Variants in EDAR observed in about 807,000 individuals in gnomAD.
EDAR encodes the protein tumor necrosis factor receptor superfamily member EDAR.
In EDAR, 38 loss-of-function variants were observed where a neutral mutation model predicts 51.3. The observed-to-expected ratio is 0.74, with a 90% CI of 0.57 to 0.97. EDAR has a LOEUF of 0.97. Among genes scored for constraint, EDAR ranks in the 50% least tolerant of loss-of-function variants. EDAR has a pLI of 0.00. For missense variants in EDAR, 528 were observed against 595.0 expected (o/e 0.89, Z 1.17); for synonymous variants, 227 against 242.1 (o/e 0.94, Z 0.58).
chr2:108,934,970 G>A (rs77143704), intron 1 of EDAR, among the ~76,000 whole-genome samples: 2 of 152,222 alleles, frequency 1.3e-5, no homozygotes, highest in African/African-American at 4.8e-5. Flanking sequence ...CAGTTCAGGG[G>A]TTGTGAAGCC....
rs1431907112 is a variant in EDAR at position 108,974,830 on chromosome 2, G to A, written c.-19+14130C>T. Reference sequence around the variant, plus strand: ...AAATAGCCAGCAAATGGCAGAGCTGGGGTCTAGCTCTTCCCACCACCCCGA... The same window carrying A: ...AAATAGCCAGCAAATGGCAGAGCTGAGGTCTAGCTCTTCCCACCACCCCGA... On this transcript the variant is annotated intron_variant, in intron 1 of 11. Transcript: ENST00000258443. Among the ~76,000 whole-genome samples the A allele has an allele frequency of 1.3e-5, 2 of 152,204 alleles. 1 individual carries two copies. Among genetic ancestry groups the A allele is most frequent in the Non-Finnish European group, 2.9e-5 (2 of 68,034 alleles).
intron 1 of EDAR, among the ~76,000 whole-genome samples, chr2:108,982,366 G>A (rs1419165746): frequency 1.3e-5 from 2 of 152,220 alleles, no homozygotes; most frequent in South Asian, 4.1e-4. Flanking sequence ...GCCACCAAAG[G>A]CCTCCATCTC....
chr2:108,909,826 G>T (rs917737001), intron 9 of EDAR, among the ~76,000 whole-genome samples: 1 of 152,226 alleles, frequency 6.6e-6, no homozygotes, highest in African/African-American at 2.4e-5. Context: ...TCCTCCTCCA[G>T]AGGCCTCTTT....
At chr2:108,958,441 A>G (rs73952570) in intron 1 of EDAR, among the ~76,000 whole-genome samples, 2 of 152,150 alleles carry the variant, frequency 1.3e-5, no homozygotes, top group African/African-American at 2.4e-5. Context: ...AAACAAAAAA[A>G]ACCCCAGGGC....
chr2:108,907,923 C>T lies in EDAR; in HGVS notation c.900G>A (p.Leu300=), dbSNP rs151213957. The T allele has an allele frequency of 2.4e-5, 38 of 1,613,598 alleles. No individual in the cohort carries two copies. Among genetic ancestry groups the T allele is most frequent in the Admixed American group, 3.3e-5 (2 of 60,002 alleles). Residue 300 remains leucine (L), a synonymous_variant, in exon 10 of 12, where the codon CTG becomes CTA. Transcript: ENST00000258443. The part of the protein sequence containing the change: ...PAPDKQGSPE[L]CLLSLVHLAR... The stretch of plus-strand genomic sequence containing the variant: ...CCAGGTGAACCAGCGACAGCAGGCA[C>T]AGCTCCGGGGAGCCCTGCTTGTCAG...
rs57906068 is a variant in EDAR, at chr2:108,908,121, G to A, written c.804-102C>T. 8.9e-3 allele frequency: 11,701 copies of A among 1,316,632 alleles called. 765 individuals carry two copies. The African/African-American group carries it at 0.15, about 17-fold the overall frequency. 81.6% of individuals were successfully genotyped at this position (1,316,632 alleles called of 1,614,324 possible). On this transcript the variant is annotated intron_variant, in intron 9 of 11. Transcript: ENST00000258443. Reference sequence around the variant, plus strand: ...TGTCCATTGCCCAGCTGTGGACAGTGGGGGGCAATGACTTGTTTTTCAGGT... The same window carrying A: ...TGTCCATTGCCCAGCTGTGGACAGTAGGGGGCAATGACTTGTTTTTCAGGT...
intron 1 of EDAR, among the ~76,000 whole-genome samples, chr2:108,962,759 G>A (rs927822379): frequency 3.3e-5 from 5 of 150,702 alleles, no homozygotes; most frequent in Admixed American, 3.3e-4. Flanking sequence ...TTCCTGGCAT[G>A]ACACCATCGC....
intron 1 of EDAR, among the ~76,000 whole-genome samples, chr2:108,969,596 CTTTA>C (rs1331522790): frequency 2.0e-5 from 3 of 152,140 alleles, no homozygotes; most frequent in Non-Finnish European, 4.4e-5. Flanking sequence ...TTTTTATTCC[CTTTA>C]TTTCTCAAAC....
intron 1 of EDAR, among the ~76,000 whole-genome samples, chr2:108,960,201 C>A (rs1301301277): frequency 2.0e-5 from 3 of 152,292 alleles, no homozygotes; most frequent in East Asian, 3.9e-4. Flanking sequence ...CACCAGTTCT[C>A]CCCGGGGCTG....
chr2:108,899,999 A>C (rs1696669458), intron 11 of EDAR, among the ~76,000 whole-genome samples: 1 of 152,144 alleles, frequency 6.6e-6, no homozygotes, highest in African/African-American at 2.4e-5. Context: ...AATAATAATA[A>C]TAATAACACC....
In EDAR at chr2:108,911,807, G is replaced by A. The variant is rs140127164; in HGVS notation, c.530-735C>T. ...ATCTGAAGCTCCCAAATCATCTCGG[G>A]GGAGGTAGTGCCAGAGCTGAGAACC... On this transcript the variant is annotated intron_variant, in intron 6 of 11. Coordinates refer to ENST00000258443, the MANE Select transcript of EDAR (RefSeq NM_022336.4). Among the ~76,000 whole-genome samples, 3 of 152,238 alleles carry A rather than the reference G, an allele frequency of 2.0e-5. No homozygotes were observed. The East Asian group carries it at 5.8e-4, about 29-fold the overall frequency.
At position 108,896,579 on chromosome 2, in the gene EDAR, C is replaced by T. The variant is rs75703116; in HGVS notation, c.*328G>A. 0.011 allele frequency: 3,088 copies of T among 290,292 alleles called. 79 individuals are homozygous for T. Among genetic ancestry groups the T allele is most frequent in the African/African-American group, 0.061 (2,884 of 47,298 alleles). The allele number at this position is 290,292 out of a possible 1,614,324, so 18.0% of individuals were successfully genotyped here. On this transcript the variant is annotated 3_prime_UTR_variant, in exon 12 of 12. Coordinates refer to ENST00000258443, the MANE Select transcript of EDAR (RefSeq NM_022336.4). ...AGATTCTTCACTTCTGTCATTCCCA[C>T]GGGGTTTGATTCATTTGAGTCCTCA... is the stretch of plus-strand genomic sequence containing the variant.
At chr2:108,944,376 A>G (rs1697674085) in intron 1 of EDAR, among the ~76,000 whole-genome samples, 1 of 152,180 alleles carries the variant, frequency 6.6e-6, no homozygotes, top group African/African-American at 2.4e-5. Flanking sequence ...GGCCTCCCAA[A>G]GTGCTGGGAT....
chr2:108,938,756 T>C (rs1305191552), intron 1 of EDAR, among the ~76,000 whole-genome samples: 1 of 152,140 alleles, frequency 6.6e-6, no homozygotes, highest in African/African-American at 2.4e-5. Context: ...TTGCTTTAAA[T>C]TACAAAATGC....
rs539266185 is a variant in EDAR at position 108,939,332 on chromosome 2, G to A, written c.-18-8300C>T. 2.2e-4 allele frequency among the ~76,000 whole-genome samples: 34 copies of A among 152,002 alleles called. 1 individual carries two copies. In the East Asian group the frequency reaches 5.1e-3, roughly 23 times the overall value. On this transcript the variant is annotated intron_variant, in intron 1 of 11. Coordinates refer to ENST00000258443, the MANE Select transcript of EDAR (RefSeq NM_022336.4). Reference sequence around the variant, plus strand: ...CTCCGTAGTAGCTGGGACTACAGGCGTGCGCCACCACACTTGGCTAATTTT... The same window carrying A: ...CTCCGTAGTAGCTGGGACTACAGGCATGCGCCACCACACTTGGCTAATTTT...
chr2:108,910,370 G>T, intron 9 of EDAR, 90 bp downstream of exon 9: 1 of 1,052,544 alleles, frequency 9.5e-7, no homozygotes, highest in Non-Finnish European at 1.5e-6. Context: ...AGGCTAGCCT[G>T]TCAGTTCACT....
chr2:108,900,677 T>C (rs1194206927), intron 11 of EDAR, among the ~76,000 whole-genome samples: 1 of 152,134 alleles, frequency 6.6e-6, no homozygotes, highest in African/African-American at 2.4e-5. Context: ...GAAACTCACT[T>C]CAATATAATG....
intron 4 of EDAR, among the ~76,000 whole-genome samples, chr2:108,924,970 C>T (rs1472596285): frequency 6.6e-6 from 1 of 152,248 alleles, no homozygotes; most frequent in African/African-American, 2.4e-5. Flanking sequence ...ATCTCAGGCT[C>T]CTAGGTGGCC....
At chr2:108,925,847 C>G (rs551509778) in intron 4 of EDAR, among the ~76,000 whole-genome samples, 36 of 152,162 alleles carry the variant, frequency 2.4e-4, no homozygotes, top group Non-Finnish European at 3.7e-4. Flanking sequence ...AACTTCTGAC[C>G]TCAAGTGATC....
Sources: gnomAD v4.1 joint callset for allele counts (sites outside exome capture counted in the v4.1 genomes callset) on GRCh38, gnomAD v4.1.1 for gene constraint, MANE v1.5 for transcripts, NCBI Gene and HGNC (gene_info 2026-07-23, HGNC 2026-07-21) for gene names.